Variants in PCDH15 observed in about 807,000 individuals in gnomAD.
PCDH15 encodes protocadherin related 15.
In PCDH15, 129 loss-of-function variants were observed where a neutral mutation model predicts 178.5. The ratio of observed to expected loss-of-function variants is 0.72; its 90% CI spans 0.63 to 0.84. The LOEUF (loss-of-function observed/expected upper bound fraction) is 0.84, where lower values mean the gene tolerates loss of function less well. Among genes scored for constraint, PCDH15 ranks in the 40% least tolerant of loss-of-function variants. The pLI is 0.00. For synonymous variants in PCDH15, 800 were observed against 732.0 expected (o/e 1.09, Z -1.50); for missense variants, 2,230 against 2,099.9 (o/e 1.06, Z -1.21).
chr10:55,293,681 T>C (rs1489700335), intron 1 of PCDH15, among the ~76,000 whole-genome samples: 1 of 152,216 alleles, frequency 6.6e-6, no homozygotes, highest in Non-Finnish European at 1.5e-5. Context: ...CCAGCCTCTT[T>C]GCTAAAACAT....
chr10:55,092,739 CTCTT>C (rs745818466), intron 2 of PCDH15, among the ~76,000 whole-genome samples: 5 of 151,808 alleles, frequency 3.3e-5, no homozygotes, highest in East Asian at 1.9e-4. Flanking sequence ...TGTTTCTATT[CTCTT>C]TGTCTCATAT....
At chr10:55,443,022 G>A (rs909651962) in intron 2 of PCDH15, among the ~76,000 whole-genome samples, 5 of 151,994 alleles carry the variant, frequency 3.3e-5, no homozygotes, top group East Asian at 1.9e-4. Context: ...TAAATGAAAA[G>A]TGCTAGTTTA....
intron 3 of PCDH15, among the ~76,000 whole-genome samples, chr10:54,871,689 C>A (rs1466232484): frequency 3.3e-5 from 5 of 151,730 alleles, no homozygotes; most frequent in African/African-American, 1.2e-4. Flanking sequence ...AATAAAAAAT[C>A]AACATTACAC....
chr10:54,503,626 A>G (rs1472470299), intron 3 of PCDH15, among the ~76,000 whole-genome samples: 1 of 152,056 alleles, frequency 6.6e-6, no homozygotes, highest in Non-Finnish European at 1.5e-5. Flanking sequence ...GAGACATACA[A>G]GAATTTACCT....
intron 26 of PCDH15, among the ~76,000 whole-genome samples, chr10:53,881,063 A>G (rs548286932): frequency 2.6e-5 from 4 of 152,268 alleles, no homozygotes; most frequent in African/African-American, 9.6e-5. Flanking sequence ...AGTTATTTTT[A>G]TATTTTATAA....
intron 2 of PCDH15, among the ~76,000 whole-genome samples, chr10:54,962,568 T>A (rs1838684017): frequency 2.0e-5 from 3 of 152,172 alleles, no homozygotes; most frequent in Admixed American, 1.3e-4. Flanking sequence ...GGTACCACAG[T>A]GTTCCCCTCA....
intron 2 of PCDH15, among the ~76,000 whole-genome samples, chr10:55,532,997 A>G (rs1245514659): frequency 6.6e-6 from 1 of 151,976 alleles, no homozygotes; most frequent in African/African-American, 2.4e-5. Flanking sequence ...AAAATTTCCA[A>G]TTCCTACACA....
intron 3 of PCDH15, among the ~76,000 whole-genome samples, chr10:54,850,998 T>C (rs1953611101): frequency 6.6e-6 from 1 of 152,170 alleles, no homozygotes; most frequent in Admixed American, 6.5e-5. Flanking sequence ...ATGTGAAATC[T>C]TAGAAAGTAT....
At chr10:54,466,616 C>T (rs939300559) in intron 3 of PCDH15, among the ~76,000 whole-genome samples, 7 of 151,880 alleles carry the variant, frequency 4.6e-5, no homozygotes, top group African/African-American at 1.7e-4. Context: ...AGTGTGGTGA[C>T]TCCAGTTTTG....
intron 3 of PCDH15, among the ~76,000 whole-genome samples, chr10:54,809,607 C>T (rs1952832218): frequency 6.6e-6 from 1 of 152,080 alleles, no homozygotes; most frequent in Non-Finnish European, 1.5e-5. Flanking sequence ...TTATCTCAAT[C>T]CATAGAAACA....
At chr10:54,912,488 T>C (rs748072052) in intron 2 of PCDH15, among the ~76,000 whole-genome samples, 14 of 152,172 alleles carry the variant, frequency 9.2e-5, no homozygotes, top group Admixed American at 2.6e-4. Flanking sequence ...CTTCCACTTT[T>C]GCCTTCCACC....
chr10:55,570,442 T>G (rs549175453), intron 2 of PCDH15, among the ~76,000 whole-genome samples: 2 of 152,142 alleles, frequency 1.3e-5, no homozygotes, highest in South Asian at 4.1e-4. Flanking sequence ...AATATTCATT[T>G]ATTTTTAAAT....
At chr10:54,824,544 G>A (rs898190779) in intron 3 of PCDH15, among the ~76,000 whole-genome samples, 1 of 152,130 alleles carries the variant, frequency 6.6e-6, no homozygotes, top group Admixed American at 6.6e-5. Context: ...CAAGTTCCCA[G>A]AGGCCTCTAC....
intron 2 of PCDH15, among the ~76,000 whole-genome samples, chr10:54,915,053 C>T (rs1954877784): frequency 6.6e-6 from 1 of 152,162 alleles, no homozygotes; most frequent in South Asian, 2.1e-4. Context: ...TCAAATTATA[C>T]AAAACAAAAC....
chr10:53,883,100 TGAAA>T (rs1000868455), intron 26 of PCDH15, among the ~76,000 whole-genome samples: 2 of 152,148 alleles, frequency 1.3e-5, no homozygotes, highest in Non-Finnish European at 2.9e-5. Context: ...CCTAGTTTAC[TGAAA>T]GAATACACAT....
intron 2 of PCDH15, among the ~76,000 whole-genome samples, chr10:55,440,109 TA>T (rs1449293455): frequency 1.3e-5 from 2 of 152,030 alleles, no homozygotes; most frequent in Non-Finnish European, 2.9e-5. Flanking sequence ...TTGGAATGGA[TA>T]AAAATAAATG....
intron 3 of PCDH15, among the ~76,000 whole-genome samples, chr10:54,401,002 T>A (rs1287264263): frequency 6.6e-6 from 1 of 151,988 alleles, no homozygotes; most frequent in African/African-American, 2.4e-5. Flanking sequence ...AGCTTAAAAG[T>A]ATTCAGTAAT....
At chr10:54,619,314 A>G (rs1167969395) in intron 2 of PCDH15, 1 of 151,968 alleles carries the variant, frequency 6.6e-6, no homozygotes, top group Non-Finnish European at 1.5e-5. Context: ...GTTAATAGAG[A>G]CTTAAAAAAA....
intron 20 of PCDH15, among the ~76,000 whole-genome samples, chr10:54,017,506 G>A (rs548495594): frequency 2.6e-5 from 4 of 152,264 alleles, no homozygotes; most frequent in Admixed American, 1.3e-4. Flanking sequence ...ATAACAGCTT[G>A]AGGCCATTAT....
Sources: gnomAD v4.1 joint callset for allele counts (sites outside exome capture counted in the v4.1 genomes callset) on GRCh38, gnomAD v4.1.1 for gene constraint, MANE v1.5 for transcripts, NCBI Gene and HGNC (gene_info 2026-07-23, HGNC 2026-07-21) for gene names.